The following DENND4A variants were observed in gnomAD, a reference collection of about 807,000 sequenced individuals.
The protein encoded by DENND4A is C-myc promoter-binding protein.
A neutral mutation model predicts 199.3 loss-of-function variants in DENND4A; 70 were observed. The ratio of observed to expected loss-of-function variants is 0.35; its 90% CI spans 0.29 to 0.43. The LOEUF is 0.43. Ranked by LOEUF, DENND4A falls within the 20% of genes least tolerant of loss-of-function variation. The probability of loss-of-function intolerance (pLI) is 1.00; values close to 1 mark genes in which losing one functional copy is unlikely to be tolerated. For synonymous variants in DENND4A, 686 were observed against 766.9 expected (o/e 0.89, Z 1.74); for missense variants, 1,723 against 2,255.8 (o/e 0.76, Z 4.78).
intron 24 of DENND4A, among the ~76,000 whole-genome samples, chr15:65,674,960 T>C (rs1320888762): frequency 5.9e-5 from 9 of 152,170 alleles, no homozygotes; most frequent in Non-Finnish European, 1.3e-4. Context: ...TTGAAGTTGG[T>C]GATGGATACA....
intron 8 of DENND4A, 111 bp downstream of exon 8, chr15:65,732,641 C>A (rs1300446668): frequency 3.0e-6 from 2 of 675,252 alleles, no homozygotes; most frequent in African/African-American, 1.8e-5. Context: ...CTGGTTCTCT[C>A]TAAATCTCAT....
intron 1 of DENND4A, chr15:65,772,052 G>GA: frequency 7.7e-7 from 1 of 1,293,820 alleles, no homozygotes; most frequent in Non-Finnish European, 1.1e-6. Flanking sequence ...CCTTCTGCAG[G>GA]AAACGCTGGG....
chr15:65,746,728 T>A (rs1470039694), intron 4 of DENND4A, among the ~76,000 whole-genome samples: 2 of 151,892 alleles, frequency 1.3e-5, no homozygotes, highest in African/African-American at 4.8e-5. Context: ...CTGACATTCT[T>A]GGACAGTTGT....
intron 12 of DENND4A, among the ~76,000 whole-genome samples, chr15:65,721,233 T>C (rs1478736060): frequency 1.3e-5 from 2 of 152,046 alleles, no homozygotes; most frequent in Non-Finnish European, 2.9e-5. Flanking sequence ...ATGCATGATT[T>C]ATTTGTTCCA....
At position 65,681,834 on chromosome 15, in the gene DENND4A, T is replaced by C. The variant is rs144474277; in HGVS notation, c.4180-5200A>G. On this transcript the variant is annotated intron_variant, in intron 23 of 32. Coordinates refer to ENST00000443035, the MANE Select transcript of DENND4A (RefSeq NM_001320835.1). ...CCGCCTGCCTCAGCCTTCCAAAGCG[T>C]TGGGATTACACGCGTGAGCCACTGC... Among the ~76,000 whole-genome samples, 145 of 152,262 alleles carry C rather than the reference T, an allele frequency of 9.5e-4. 4 individuals carry two copies. In the East Asian group the frequency reaches 0.024, roughly 25 times the overall value.
intron 26 of DENND4A, 26 bp from the exon 27 acceptor site, chr15:65,669,951 T>C (rs780665043): frequency 6.5e-5 from 105 of 1,610,960 alleles, no homozygotes; most frequent in Non-Finnish European, 8.7e-5. Context: ...AAGGAACTTT[T>C]TGAGAAAAGA....
chr15:65,790,610 G>T (rs776992910), intron 1 of DENND4A, among the ~76,000 whole-genome samples: 4 of 152,134 alleles, frequency 2.6e-5, no homozygotes, highest in Non-Finnish European at 5.9e-5. Context: ...CCTACTGAGA[G>T]CTGTGGTTCA....
chr15:65,676,144 AT>A (rs201356725), intron 24 of DENND4A, among the ~76,000 whole-genome samples: 6,533 of 132,966 alleles, frequency 0.049, 183 homozygotes, highest in Middle Eastern at 0.066. Flanking sequence ...AAGGAAAAAT[AT>A]ATATATATAT....
At chr15:65,782,617 A>G (rs959777320) in intron 1 of DENND4A, among the ~76,000 whole-genome samples, 84 of 152,128 alleles carry the variant, frequency 5.5e-4, no homozygotes, top group African/African-American at 2.0e-3. Context: ...TGGGCAAAAT[A>G]ACACACACAC....
At chr15:65,696,799 T>C in intron 21 of DENND4A, 1 of 265,236 alleles carries the variant, frequency 3.8e-6, no homozygotes, top group Non-Finnish European at 7.5e-6. Context: ...ATAATCACAA[T>C]CCATTAAACA....
At chr15:65,735,268 C>T (rs2076081778) in intron 7 of DENND4A, among the ~76,000 whole-genome samples, 1 of 151,670 alleles carries the variant, frequency 6.6e-6, no homozygotes, top group Non-Finnish European at 1.5e-5. Context: ...ATTCCAGCTA[C>T]TCAGGAGGCT....
At chr15:65,680,590 T>A (rs556418608) in intron 23 of DENND4A, 3 of 152,282 alleles carry the variant, frequency 2.0e-5, no homozygotes, top group African/African-American at 7.2e-5. Flanking sequence ...TTGAGAGACA[T>A]TAAATTCTTT....
intron 1 of DENND4A, among the ~76,000 whole-genome samples, chr15:65,776,606 T>C (rs2077290642): frequency 6.6e-6 from 1 of 152,222 alleles, no homozygotes; most frequent in Non-Finnish European, 1.5e-5. Flanking sequence ...ATCATTCCCC[T>C]TCCATAAAAA....
intron 2 of DENND4A, among the ~76,000 whole-genome samples, chr15:65,760,623 T>G (rs2140745756): frequency 6.6e-6 from 1 of 152,272 alleles, no homozygotes; most frequent in Admixed American, 6.5e-5. Flanking sequence ...GCAGAGTGGC[T>G]CATGCCTATA....
chr15:65,661,836 A>C lies in DENND4A; in HGVS notation c.*15T>G. On this transcript the variant is annotated 3_prime_UTR_variant, in exon 33 of 33. Transcript: ENST00000443035. The stretch of plus-strand genomic sequence containing the variant: ...TATACAATATACATTGAATGTTTAC[A>C]CATACAAATACATCTTAAAGATAAG... 2 of 1,591,216 alleles carry C rather than the reference A, an allele frequency of 1.3e-6. No homozygotes were observed. Among genetic ancestry groups the C allele is most frequent in the Non-Finnish European group, 1.7e-6 (2 of 1,167,018 alleles).
At chr15:65,715,406 A>T (rs1182471610) in intron 14 of DENND4A, 72 bp downstream of exon 14, 8 of 1,376,794 alleles carry the variant, frequency 5.8e-6, no homozygotes, top group Non-Finnish European at 7.8e-6. Flanking sequence ...CTGTACATAG[A>T]AACTATAACT....
chr15:65,696,536 C>T, intron 21 of DENND4A, 39 bp from the exon 22 acceptor site: 1 of 1,500,530 alleles, frequency 6.7e-7, no homozygotes, highest in Non-Finnish European at 9.2e-7. Flanking sequence ...AAAATGAAAT[C>T]TATATACACT....
intron 1 of DENND4A, among the ~76,000 whole-genome samples, chr15:65,786,439 G>A (rs765288328): frequency 6.6e-6 from 1 of 151,762 alleles, no homozygotes; most frequent in East Asian, 1.9e-4. Flanking sequence ...ATATAAATTA[G>A]CTCATTTAGG....
chr15:65,697,181 A>G lies in DENND4A; in HGVS notation c.2950+86T>C, dbSNP rs902748109. 20 of 852,956 alleles carry G rather than the reference A, an allele frequency of 2.3e-5. No homozygotes were observed. In the South Asian group the frequency reaches 3.0e-4, roughly 13 times the overall value. The allele number at this position is 852,956 out of a possible 1,614,324, so 52.8% of individuals were successfully genotyped here. ...GAGTTATAATGGAAAAATGGAAAGT[A>G]AAACCAGCACTTTTATAAAATCACC... On this transcript the variant is annotated intron_variant, in intron 21 of 32. Coordinates refer to ENST00000443035, the MANE Select transcript of DENND4A (RefSeq NM_001320835.1).
Sources: allele counts gnomAD v4.1 joint callset (sites outside exome capture counted in the v4.1 genomes callset), GRCh38; gene constraint gnomAD v4.1.1; transcripts MANE v1.5; gene names NCBI Gene and HGNC (gene_info 2026-07-23, HGNC 2026-07-21).